RAB38: variants seen among roughly 807,000 people sequenced by gnomAD.
RAB38 encodes the protein ras-related protein Rab-38.
Under a neutral mutation model 18.4 loss-of-function variants are expected in RAB38, and 15 were observed. The observed-to-expected ratio is 0.82, with a 90% CI of 0.55 to 1.26. The LOEUF (loss-of-function observed/expected upper bound fraction) is 1.26. Ranked by LOEUF, RAB38 falls within the 50% of genes most tolerant of loss-of-function variation. The probability of loss-of-function intolerance (pLI) is 0.00; values close to 1 mark genes in which losing one functional copy is unlikely to be tolerated. For synonymous variants in RAB38, 101 were observed against 104.4 expected (o/e 0.97, Z 0.20); for missense variants, 294 against 267.4 (o/e 1.10, Z -0.69).
chr11:88,030,864 C>T, the RAB38 span, among the ~76,000 whole-genome samples: 5 of 151,984 alleles, frequency 3.3e-5, no homozygotes, highest in South Asian at 8.4e-4. Flanking sequence ...GGGAATCCTC[C>T]CTAACTCATT....
chr11:88,144,065 A>G (rs1237831109), intron 2 of RAB38, among the ~76,000 whole-genome samples: 1 of 152,224 alleles, frequency 6.6e-6, no homozygotes, highest in Non-Finnish European at 1.5e-5. Flanking sequence ...ATCTGTCAGA[A>G]GTGATGATTC....
the RAB38 span, among the ~76,000 whole-genome samples, chr11:87,943,837 T>C: frequency 2.0e-5 from 3 of 152,142 alleles, no homozygotes; most frequent in East Asian, 5.8e-4. Flanking sequence ...GAACTATAGT[T>C]CTACAATTCT....
chr11:87,832,216 T>G, the RAB38 span, among the ~76,000 whole-genome samples: 1 of 152,236 alleles, frequency 6.6e-6, no homozygotes, highest in African/African-American at 2.4e-5. Flanking sequence ...CTTGTGCTTA[T>G]GAAGCTTACA....
the RAB38 span, among the ~76,000 whole-genome samples, chr11:87,970,335 C>A: frequency 1.3e-5 from 2 of 152,054 alleles, no homozygotes; most frequent in African/African-American, 4.8e-5. Flanking sequence ...CTCACCTCCC[C>A]CCAATCTTAG....
At chr11:88,053,869 G>A in the RAB38 span, among the ~76,000 whole-genome samples, 2 of 150,868 alleles carry the variant, frequency 1.3e-5, no homozygotes, top group Non-Finnish European at 2.9e-5. Context: ...TGAATAAGAT[G>A]AGAAAGGCAT....
At chr11:88,149,590 T>C (rs1943036142) in intron 2 of RAB38, 85 bp downstream of exon 2, 2 of 1,441,100 alleles carry the variant, frequency 1.4e-6, no homozygotes, top group African/African-American at 2.8e-5. Flanking sequence ...AACATATTAT[T>C]ATCATTATGA....
the RAB38 span, among the ~76,000 whole-genome samples, chr11:87,962,498 G>A: frequency 6.9e-6 from 1 of 145,546 alleles, no homozygotes; most frequent in Admixed American, 6.9e-5. Flanking sequence ...GGCTTGGCGG[G>A]GGCAGGGGGC....
At chr11:87,959,973 T>C in the RAB38 span, among the ~76,000 whole-genome samples, 2 of 152,168 alleles carry the variant, frequency 1.3e-5, no homozygotes, top group East Asian at 1.9e-4. Flanking sequence ...TCTTCATTCA[T>C]GTAGCTTAGC....
the RAB38 span, among the ~76,000 whole-genome samples, chr11:87,864,954 T>C: frequency 6.6e-6 from 1 of 151,830 alleles, no homozygotes; most frequent in Admixed American, 6.6e-5. Context: ...TTTTCTACCT[T>C]ATAATTTGAT....
At chr11:88,042,520 A>G in the RAB38 span, among the ~76,000 whole-genome samples, 1 of 152,140 alleles carries the variant, frequency 6.6e-6, no homozygotes, top group Non-Finnish European at 1.5e-5. Flanking sequence ...CTGCCTTCTG[A>G]ATGATATAAT....
At chr11:88,063,835 C>G in the RAB38 span, among the ~76,000 whole-genome samples, 9 of 152,276 alleles carry the variant, frequency 5.9e-5, no homozygotes, top group Non-Finnish European at 5.9e-5. Context: ...TCCCCAGCCA[C>G]GTGGAACTGT....
At chr11:87,978,008 A>C in the RAB38 span, among the ~76,000 whole-genome samples, 1,193 of 61,644 alleles carry the variant, frequency 0.019, 39 homozygotes, top group Middle Eastern at 0.1. Flanking sequence ...TTATTTTAAT[A>C]TTATATAAAT....
At chr11:88,081,196 T>C in the RAB38 span, among the ~76,000 whole-genome samples, 7 of 152,004 alleles carry the variant, frequency 4.6e-5, no homozygotes, top group African/African-American at 1.7e-4. Context: ...TTGGTTGAAA[T>C]GAAAAGTAGT....
chr11:87,826,394 C>T, the RAB38 span, among the ~76,000 whole-genome samples: 3 of 152,040 alleles, frequency 2.0e-5, no homozygotes, highest in African/African-American at 7.2e-5. Context: ...AGTTAATGCA[C>T]ACACATGCTG....
chr11:87,874,904 T>C, the RAB38 span, among the ~76,000 whole-genome samples: 1 of 151,286 alleles, frequency 6.6e-6, no homozygotes, highest in Non-Finnish European at 1.5e-5. Context: ...CTCAAAAAAT[T>C]AAAAATAGAA....
the RAB38 span, among the ~76,000 whole-genome samples, chr11:87,824,827 G>A: frequency 7.6e-4 from 115 of 152,178 alleles, 1 homozygote; most frequent in Non-Finnish European, 7.1e-4. Context: ...TGTGAAAAAA[G>A]AAAGTTAAAC....
the RAB38 span, among the ~76,000 whole-genome samples, chr11:87,920,991 G>A: frequency 6.6e-6 from 1 of 151,994 alleles, no homozygotes; most frequent in Middle Eastern, 3.2e-3. Context: ...AGACCAAGGG[G>A]CTGGCATCTG....
chr11:88,087,370 C>T, the RAB38 span, among the ~76,000 whole-genome samples: 47 of 152,062 alleles, frequency 3.1e-4, no homozygotes, highest in Middle Eastern at 3.4e-3. Context: ...ATAAATAAAA[C>T]AGATTCGTTT....
At chr11:88,004,120 G>T in the RAB38 span, among the ~76,000 whole-genome samples, 1 of 146,374 alleles carries the variant, frequency 6.8e-6, no homozygotes, top group East Asian at 2.0e-4. Context: ...CCTCGTTTTA[G>T]CAGTTATTAA....
Sources: allele counts gnomAD v4.1 joint callset (sites outside exome capture counted in the v4.1 genomes callset), GRCh38; gene constraint gnomAD v4.1.1; transcripts MANE v1.5; gene names NCBI Gene and HGNC (gene_info 2026-07-23, HGNC 2026-07-21).